The following WDR88 variants were observed in gnomAD, a reference collection of about 807,000 sequenced individuals.
WDR88 encodes the protein WD repeat-containing protein 88.
Under a neutral mutation model 46.8 loss-of-function variants are expected in WDR88, and 40 were observed. The ratio of observed to expected loss-of-function variants is 0.86; its 90% CI spans 0.66 to 1.11. The LOEUF (loss-of-function observed/expected upper bound fraction) is 1.11. Among genes scored for constraint, WDR88 ranks in the 50% most tolerant of loss-of-function variants. The pLI, the probability that WDR88 is intolerant of heterozygous loss-of-function variation, is 0.00. For missense variants in WDR88, 562 were observed against 602.4 expected (o/e 0.93, Z 0.70); for synonymous variants, 235 against 240.7 (o/e 0.98, Z 0.22).
chr19:33,148,880 G>T lies in WDR88; in HGVS notation c.649G>T (p.Glu217Ter), dbSNP rs771306190. 6.2e-7 allele frequency: 1 copy of T among 1,614,140 alleles called. No homozygotes were observed. Residue 217 changes from glutamate (E) to a stop codon, truncating the protein, a stop_gained, in exon 5 of 11, where the codon GAG (glutamate) becomes TAG (stop). Coordinates refer to ENST00000355868, the MANE Select transcript of WDR88 (RefSeq NM_173479.4). LOFTEE classifies it high-confidence loss of function. ...TCATGGAATCTGCATAATGGACGCC[G>T]AGAACATCACCACCGTTTCCGTCAT... ...VDHGICIMDA[E>*]NITTVSVIKD... is the part of the protein sequence containing the mutation.
chr19:33,155,906 C>CT (rs1449514830), intron 6 of WDR88, among the ~76,000 whole-genome samples: 1 of 152,204 alleles, frequency 6.6e-6, no homozygotes, highest in East Asian at 1.9e-4. Context: ...CCCCACAACT[C>CT]TGAGTGACCC....
chr19:33,167,686 T>C (rs1973974700), intron 9 of WDR88, among the ~76,000 whole-genome samples: 1 of 151,208 alleles, frequency 6.6e-6, no homozygotes, highest in African/African-American at 2.4e-5. Context: ...CCTTCCTTCC[T>C]TCTGTCCTTT....
chr19:33,143,049 G>A (rs1342885917), intron 2 of WDR88, among the ~76,000 whole-genome samples: 1 of 151,718 alleles, frequency 6.6e-6, no homozygotes, highest in African/African-American at 2.4e-5. Context: ...CTCCCTGAAA[G>A]CTGAGTGCAA....
In WDR88 at chr19:33,147,504, G is replaced by A. The variant is rs367733019; in HGVS notation, c.477-141G>A. 1.3e-4 allele frequency: 89 copies of A among 670,616 alleles called. 1 individual carries two copies. The East Asian group carries it at 2.1e-3, about 16-fold the overall frequency. 41.5% of individuals were successfully genotyped at this position (670,616 alleles called of 1,614,324 possible). A position where few individuals can be genotyped will look rare whatever the true frequency, so the allele number is the denominator to read the frequency against. The stretch of plus-strand genomic sequence containing the variant: ...TGTAATCTCAGCTACTCAGGAGGCT[G>A]TGGCAGGAGGGTCGTTTGAACCTGG... On this transcript the variant is annotated intron_variant, in intron 3 of 10. Transcript: ENST00000355868.
chr19:33,148,872 T>A lies in WDR88; in HGVS notation c.641T>A (p.Met214Lys), dbSNP rs1372336471. Residue 214 changes from methionine (M) to lysine (K), a missense_variant, in exon 5 of 11, where the codon ATG becomes AAG. Transcript: ENST00000355868. Reference protein sequence around the residue: ...GFDVDHGICIMDAENITTVSV... With the variant: ...GFDVDHGICIKDAENITTVSV... The stretch of plus-strand genomic sequence containing the variant: ...GACGTGGATCATGGAATCTGCATAA[T>A]GGACGCCGAGAACATCACCACCGTT... 5 of 1,614,160 alleles carry A rather than the reference T, an allele frequency of 3.1e-6. No homozygotes were observed. In the South Asian group the frequency reaches 5.5e-5, roughly 18 times the overall value.
chr19:33,133,198 T>TAAATAAATATAGAGAG (rs1555723214), intron 1 of WDR88, among the ~76,000 whole-genome samples: 183 of 79,776 alleles, frequency 2.3e-3, no homozygotes, highest in African/African-American at 3.5e-3. Flanking sequence ...TAAATAAATA[T>TAAATAAATATAGAGAG]AGAGAGAGAG....
intron 7 of WDR88, among the ~76,000 whole-genome samples, chr19:33,157,683 GTATGTATA>G (rs1368935121): frequency 0.095 from 607 of 6,410 alleles, 16 homozygotes; most frequent in Non-Finnish European, 0.14. Flanking sequence ...GTGTGTGTAT[GTATGTATA>G]TATATATATA....
In WDR88 at chr19:33,175,244, A is replaced by C. The variant is rs528604538; in HGVS notation, c.1243-152A>C. ...AGTGAGACTCTGTCTCAAAAACAAA[A>C]ACAAAAACAAACAAACAAACCAAAA... On this transcript the variant is annotated intron_variant, in intron 10 of 10. Coordinates refer to ENST00000355868, the MANE Select transcript of WDR88 (RefSeq NM_173479.4). 1.7e-3 allele frequency: 1,610 copies of C among 929,966 alleles called. 3 individuals carry two copies. The highest frequency in any genetic ancestry group is 2.1e-3 in the Non-Finnish European group (1,351 of 642,960). 57.6% of individuals were successfully genotyped at this position (929,966 alleles called of 1,614,324 possible).
chr19:33,148,558 A>G (rs1408875520), intron 4 of WDR88, among the ~76,000 whole-genome samples: 2 of 152,124 alleles, frequency 1.3e-5, no homozygotes, highest in African/African-American at 2.4e-5. Flanking sequence ...CTCCCGCCAC[A>G]GCCTCATAAG....
chr19:33,166,169 T>C (rs10416573), intron 9 of WDR88, among the ~76,000 whole-genome samples: 31,331 of 151,132 alleles, frequency 0.21, 4,701 homozygotes, highest in African/African-American at 0.4. Flanking sequence ...GTCCAGCTAC[T>C]TGGGAGGCTG....
chr19:33,159,328 A>G (rs1445888362), intron 7 of WDR88, among the ~76,000 whole-genome samples: 2 of 148,220 alleles, frequency 1.3e-5, no homozygotes, highest in East Asian at 2.0e-4. Context: ...GCAAGACCTT[A>G]TCTCTAAAAA....
chr19:33,175,433 G>A lies in WDR88; in HGVS notation c.1280G>A (p.Ser427Asn), dbSNP rs1752490680. Residue 427 changes from serine to asparagine, a missense_variant, in exon 11 of 11, where the codon AGT (serine) becomes AAT (asparagine). Coordinates refer to ENST00000355868, the MANE Select transcript of WDR88 (RefSeq NM_173479.4). ...GACAGGCCTTTCTCCATCTTCAAGA[G>A]TGACACCTCTTCTGAAATGTTCACC... ...RCDRPFSIFK[S>N]DTSSEMFTQC... is the part of the protein sequence containing the mutation. The A allele has an allele frequency of 6.2e-7, 1 of 1,614,166 alleles. No homozygotes were observed. The highest frequency in any genetic ancestry group is 8.5e-7 in the Non-Finnish European group (1 of 1,180,032).
In WDR88 at chr19:33,156,547, G is replaced by C; in HGVS notation, c.997+5G>C. 6.2e-7 allele frequency: 1 copy of C among 1,610,326 alleles called. No homozygotes were observed. Among genetic ancestry groups the C allele is most frequent in the Non-Finnish European group, 8.5e-7 (1 of 1,177,782 alleles). ...CCTGTCACTTTGCCAGAGACAGTGA[G>C]TAATTAACATGCAGAAGGCCTCCAT... is the stretch of plus-strand genomic sequence containing the variant. On this transcript the variant is annotated splice_donor_5th_base_variant and intron_variant, in intron 7 of 10. Coordinates refer to ENST00000355868, the MANE Select transcript of WDR88 (RefSeq NM_173479.4).
At chr19:33,171,335 T>C (rs541337404) in intron 9 of WDR88, among the ~76,000 whole-genome samples, 1 of 152,340 alleles carries the variant, frequency 6.6e-6, no homozygotes, top group African/African-American at 2.4e-5. Flanking sequence ...GGATGTTTTT[T>C]GTTGTCATGA....
intron 7 of WDR88, among the ~76,000 whole-genome samples, chr19:33,158,967 T>C (rs1973814050): frequency 6.6e-6 from 1 of 152,190 alleles, no homozygotes; most frequent in Admixed American, 6.6e-5. Flanking sequence ...CCCAAAGTGC[T>C]GGGATTACAG....
intron 9 of WDR88, among the ~76,000 whole-genome samples, chr19:33,164,557 A>G (rs759137136): frequency 1.3e-5 from 2 of 152,188 alleles, no homozygotes; most frequent in Non-Finnish European, 2.9e-5. Context: ...CTTGAAGGGA[A>G]AGCATCAACT....
In WDR88 at chr19:33,164,179, A is replaced by C. The variant is rs1044681102; in HGVS notation, c.1081-18A>C. On this transcript the variant is annotated intron_variant, in intron 8 of 10. Coordinates refer to ENST00000355868, the MANE Select transcript of WDR88 (RefSeq NM_173479.4). ...ATTATTTTCTCCACGTTTTCATTAA[A>C]ATTTGATATTTCTTCAGGGCCATAA... 6.2e-7 allele frequency: 1 copy of C among 1,610,786 alleles called. No homozygotes were observed. The highest frequency in any genetic ancestry group is 1.3e-5 in the African/African-American group (1 of 74,836).
intron 2 of WDR88, chr19:33,142,756 C>A (rs1291480152): frequency 1.3e-5 from 2 of 149,814 alleles, no homozygotes; most frequent in African/African-American, 4.9e-5. Flanking sequence ...ACCTGTAATC[C>A]CAGCAATTTG....
intron 10 of WDR88, among the ~76,000 whole-genome samples, chr19:33,172,935 CA>C (rs1322323750): frequency 6.6e-6 from 1 of 151,426 alleles, no homozygotes; most frequent in South Asian, 2.1e-4. Context: ...ACTACAAATA[CA>C]AAAAAATTAG....
Sources: allele counts gnomAD v4.1 joint callset (sites outside exome capture counted in the v4.1 genomes callset), GRCh38; gene constraint gnomAD v4.1.1; transcripts MANE v1.5; gene names NCBI Gene and HGNC (gene_info 2026-07-23, HGNC 2026-07-21).